PKP4: variants seen among roughly 807,000 people sequenced by gnomAD.
PKP4 encodes plakophilin-4.
In PKP4, 90 loss-of-function variants were observed where a neutral mutation model predicts 145.1. The observed-to-expected ratio is 0.62, with a 90% CI of 0.52 to 0.74. PKP4 has a LOEUF of 0.74. Ranked by LOEUF, PKP4 falls within the 30% of genes least tolerant of loss-of-function variation. The probability of loss-of-function intolerance (pLI) is 0.00; values close to 1 mark genes in which losing one functional copy is unlikely to be tolerated. For missense variants in PKP4, 1,340 were observed against 1,482.7 expected, an observed-to-expected ratio of 0.90 and a Z score of 1.58; for synonymous variants, 563 against 577.2, an observed-to-expected ratio of 0.98 and a Z score of 0.35.
intron 1 of PKP4, among the ~76,000 whole-genome samples, chr2:158,470,307 G>A (rs768579020): frequency 2.3e-4 from 35 of 152,058 alleles, no homozygotes; most frequent in Non-Finnish European, 3.4e-4. Flanking sequence ...ATTCCCCAGC[G>A]ACCTACCATA....
chr2:158,607,040 G>A (rs1372153746), intron 4 of PKP4, among the ~76,000 whole-genome samples: 1 of 151,856 alleles, frequency 6.6e-6, no homozygotes, highest in South Asian at 2.1e-4. Flanking sequence ...AAATTGTATT[G>A]GTACCTTTGA....
chr2:158,617,110 T>A (rs908192900), intron 4 of PKP4, among the ~76,000 whole-genome samples: 2 of 152,210 alleles, frequency 1.3e-5, no homozygotes, highest in Non-Finnish European at 2.9e-5. Context: ...AATTACATAG[T>A]TTTAAATATT....
At chr2:158,582,876 A>G (rs1187827403) in intron 3 of PKP4, among the ~76,000 whole-genome samples, 1 of 152,154 alleles carries the variant, frequency 6.6e-6, no homozygotes, top group Admixed American at 6.5e-5. Context: ...TGGATGAATC[A>G]ATTTTAGGTC....
intron 1 of PKP4, among the ~76,000 whole-genome samples, chr2:158,472,956 AATTTACAAGAGAAAAACAACCCT>A: frequency 6.6e-6 from 1 of 152,254 alleles, no homozygotes; most frequent in Non-Finnish European, 1.5e-5. Flanking sequence ...AAGGAACTTA[AATTTACAAGAGAAAAACAACCCT>A]ATTTAAAAGT....
intron 1 of PKP4, among the ~76,000 whole-genome samples, chr2:158,489,222 T>C (rs1265696345): frequency 1.3e-5 from 2 of 152,210 alleles, no homozygotes; most frequent in Non-Finnish European, 2.9e-5. Flanking sequence ...AATCTTTTGA[T>C]ATTATTTCTC....
intron 2 of PKP4, among the ~76,000 whole-genome samples, chr2:158,537,167 C>T (rs1004943192): frequency 6.6e-6 from 1 of 152,158 alleles, no homozygotes; most frequent in Non-Finnish European, 1.5e-5. Context: ...TCTCACAGCA[C>T]CTAGAAAACT....
chr2:158,458,142 C>G (rs994321705), intron 1 of PKP4: 3 of 152,954 alleles, frequency 2.0e-5, no homozygotes, highest in African/African-American at 7.2e-5. Context: ...TGTGTGTGTA[C>G]AGCGGGGGAC....
intron 2 of PKP4, among the ~76,000 whole-genome samples, chr2:158,569,790 T>C (rs763068422): frequency 3.3e-5 from 5 of 152,168 alleles, no homozygotes; most frequent in Non-Finnish European, 7.3e-5. Flanking sequence ...AAAGGTAATC[T>C]GACTTCCTAC....
chr2:158,505,143 CTA>C (rs2040852387), intron 1 of PKP4, among the ~76,000 whole-genome samples: 1 of 152,106 alleles, frequency 6.6e-6, no homozygotes, highest in African/African-American at 2.4e-5. Flanking sequence ...GATTTAATAA[CTA>C]TTTTGAGTGG....
chr2:158,590,312 AGT>A (rs57003090), intron 3 of PKP4, among the ~76,000 whole-genome samples: 14,789 of 123,988 alleles, frequency 0.12, 831 homozygotes, highest in African/African-American at 0.14. Flanking sequence ...GAATGTCTTG[AGT>A]GTGTGTGTGT....
intron 1 of PKP4, among the ~76,000 whole-genome samples, chr2:158,505,117 G>A (rs2105507787): frequency 6.6e-6 from 1 of 152,306 alleles, no homozygotes; most frequent in East Asian, 1.9e-4. Flanking sequence ...TACTTCATGA[G>A]GATGTTGTAA....
At chr2:158,589,147 A>G (rs1025324447) in intron 3 of PKP4, among the ~76,000 whole-genome samples, 2 of 152,304 alleles carry the variant, frequency 1.3e-5, no homozygotes, top group East Asian at 1.9e-4. Flanking sequence ...AGGAAAGAGA[A>G]TAGCAGCAGT....
At chr2:158,511,361 C>T (rs962050245) in intron 1 of PKP4, among the ~76,000 whole-genome samples, 9 of 151,404 alleles carry the variant, frequency 5.9e-5, no homozygotes, top group East Asian at 1.9e-4. Context: ...ACTCCAGCCT[C>T]GGGGGGAGAG....
intron 3 of PKP4, among the ~76,000 whole-genome samples, chr2:158,592,570 CTTACAA>C (rs1217152156): frequency 6.6e-6 from 1 of 152,006 alleles, no homozygotes; most frequent in African/African-American, 2.4e-5. Flanking sequence ...TCTTTTCACA[CTTACAA>C]TTAAATTTAT....
At chr2:158,583,331 TCC>T (rs777123275) in intron 3 of PKP4, among the ~76,000 whole-genome samples, 2 of 152,264 alleles carry the variant, frequency 1.3e-5, no homozygotes, top group East Asian at 1.9e-4. Flanking sequence ...CCCTAGGACT[TCC>T]CCTTATGCCT....
chr2:158,519,819 G>A (rs947186429), intron 1 of PKP4, among the ~76,000 whole-genome samples: 1 of 152,238 alleles, frequency 6.6e-6, no homozygotes, highest in East Asian at 1.9e-4. Context: ...TCTTCATCCA[G>A]TTCCCCTCCA....
rs1175191975 is a variant in PKP4 at position 158,620,996 on chromosome 2, C to G, written c.287C>G (p.Pro96Arg). The change falls in exon 5 of 22, where the codon CCA becomes CGA. Residue 96 changes from proline (P) to arginine (R), a missense_variant. Transcript: ENST00000389759. The part of the protein sequence containing the change: ...KSFPWRSTDV[P>R]NTGVSKPRVS... ...TAAACTTTTCTTGTTACAGACGTGC[C>G]AAATACTGGTGTAAGCAAACCTAGA... is the stretch of plus-strand genomic sequence containing the variant. 6.2e-7 allele frequency: 1 copy of G among 1,613,728 alleles called. No homozygotes were observed.
intron 1 of PKP4, among the ~76,000 whole-genome samples, chr2:158,497,819 G>A (rs957479183): frequency 2.0e-5 from 3 of 152,336 alleles, no homozygotes; most frequent in South Asian, 2.1e-4. Context: ...CAGAGATGAA[G>A]GTAGAGGCCA....
chr2:158,625,477 G>C, intron 7 of PKP4, 50 bp downstream of exon 7: 1 of 1,427,844 alleles, frequency 7.0e-7, no homozygotes. Context: ...GAAATCTTCT[G>C]TGTAACTTAA....
Sources: gnomAD v4.1 joint callset for allele counts (sites outside exome capture counted in the v4.1 genomes callset) on GRCh38, gnomAD v4.1.1 for gene constraint, MANE v1.5 for transcripts, NCBI Gene and HGNC (gene_info 2026-07-23, HGNC 2026-07-21) for gene names.